FCHO1: variants seen among roughly 807,000 people sequenced by gnomAD.
The protein encoded by FCHO1 is FCH and mu domain containing endocytic adaptor 1.
FCHO1 carries 45 observed loss-of-function variants against 114.4 expected under a neutral mutation model. The ratio of observed to expected loss-of-function variants is 0.39; its 90% confidence interval spans 0.31 to 0.50. The LOEUF is 0.50. FCHO1 is among the 20% of genes least tolerant of loss of function. The pLI, the probability that FCHO1 is intolerant of heterozygous loss-of-function variation, is 0.77. For missense variants in FCHO1, 1,042 were observed against 1,209.6 expected, an observed-to-expected ratio of 0.86 and a Z score of 2.06; for synonymous variants, 480 against 488.9, an observed-to-expected ratio of 0.98 and a Z score of 0.24.
At chr19:17,781,381 C>G (rs200255536) in intron 21 of FCHO1, 38 bp downstream of exon 21, 2 of 1,607,326 alleles carry the variant, frequency 1.2e-6, no homozygotes, top group Non-Finnish European at 8.5e-7. Context: ...GACTGGGGGT[C>G]GCGTCTGGGG....
chr19:17,772,825 T>A lies in FCHO1; in HGVS notation c.790+84T>A, dbSNP rs918981517. 5.3e-6 allele frequency: 5 copies of A among 945,570 alleles called. No individual in the cohort carries two copies. The Admixed American group carries it at 7.2e-5, about 14-fold the overall frequency. The allele number at this position is 945,570 out of a possible 1,614,324, so 58.6% of individuals were successfully genotyped here. On this transcript the variant is annotated intron_variant, in intron 11 of 28. Transcript: ENST00000596536. ...TGCCACCATGCCCAGCTAATTTTTT[T>A]TTTATTTTTTTATTTTTAATAGAGA...
intron 20 of FCHO1, among the ~76,000 whole-genome samples, chr19:17,779,906 C>T (rs2093192747): frequency 6.6e-6 from 1 of 151,872 alleles, no homozygotes; most frequent in South Asian, 2.1e-4. Flanking sequence ...GAGGAGAGGA[C>T]AGCCGGGGAG....
intron 28 of FCHO1, among the ~76,000 whole-genome samples, chr19:17,788,067 G>A (rs2094066806): frequency 6.6e-6 from 1 of 152,136 alleles, no homozygotes; most frequent in Admixed American, 6.5e-5. Context: ...CCCCAGCCAG[G>A]GAGCCCGAAG....
chr19:17,778,114 C>A, intron 18 of FCHO1, 23 bp from the exon 19 acceptor site: 3 of 1,583,300 alleles, frequency 1.9e-6, no homozygotes, highest in Non-Finnish European at 1.7e-6. Flanking sequence ...TAGAAGCAGC[C>A]CTCTTGGCCT....
In FCHO1 at chr19:17,770,830, G is replaced by T. The variant is rs2091292109; in HGVS notation, c.528G>T (p.Arg176=). Residue 176 remains arginine (R), a synonymous_variant, in exon 9 of 29, where the codon CGG becomes CGT. Transcript: ENST00000596536. ...CCAAGAAGGCGGCAGAGAGCCTGCG[G>T]CGCTCAGTGGAAAAATACAACTCAG... The part of the protein sequence containing the change: ...TKTKKAAESL[R]RSVEKYNSAR... 6 of 1,614,188 alleles carry T rather than the reference G, an allele frequency of 3.7e-6. No homozygotes were observed. In the South Asian group the frequency reaches 4.4e-5, roughly 12 times the overall value.
At chr19:17,758,083 C>T (rs1418578064) in intron 4 of FCHO1, among the ~76,000 whole-genome samples, 6 of 151,832 alleles carry the variant, frequency 4.0e-5, no homozygotes, top group Admixed American at 1.3e-4. Flanking sequence ...GGTATGGTGG[C>T]GGGCACCTGT....
intron 7 of FCHO1, among the ~76,000 whole-genome samples, chr19:17,767,395 CA>C (rs3083683): frequency 0.49 from 64,220 of 130,610 alleles, 17,012 homozygotes; most frequent in Non-Finnish European, 0.6. Context: ...CCATCTTTAC[CA>C]AAAAAAAAAA....
intron 4 of FCHO1, among the ~76,000 whole-genome samples, chr19:17,760,288 T>A (rs961127735): frequency 2.6e-5 from 4 of 152,156 alleles, no homozygotes; most frequent in Admixed American, 2.6e-4. Context: ...TGACCTCAGA[T>A]AATCTGCCTG....
rs376998937 is a variant in FCHO1, at chr19:17,772,438, C to G, written c.595-19C>G. The G allele has an allele frequency of 6.2e-7, 1 of 1,605,692 alleles. No individual in the cohort carries two copies. Among genetic ancestry groups the G allele is most frequent in the African/African-American group, 1.3e-5 (1 of 74,734 alleles). ...TGGCCCTGACCTCCTTTCCACCTGC[C>G]TCTGCCCTCCTGCTTCAGCGCTTCC... On this transcript the variant is annotated intron_variant, in intron 9 of 28. Coordinates refer to ENST00000596536, the MANE Select transcript of FCHO1 (RefSeq NM_015122.3).
Position 17,781,270 on chromosome 19 carries a change from G to A in FCHO1, c.1667G>A (p.Gly556Asp), listed in dbSNP as rs772954402. 1 of 1,613,948 alleles carries A rather than the reference G, an allele frequency of 6.2e-7. No individual in the cohort carries two copies. The highest frequency in any genetic ancestry group is 1.1e-5 in the South Asian group (1 of 91,068). The stretch of plus-strand genomic sequence containing the variant: ...CCTGCTGACCCCACAGCCAGGGAGG[G>A]CCTGGCAGCCCCACCCAGGAGACTT... ...PAPADPTARE[G>D]LAAPPRRLRS... Residue 556 changes from glycine (G) to aspartate (D), a missense_variant, in exon 21 of 29, where the codon GGC (glycine) becomes GAC (aspartate). Transcript: ENST00000596536.
chr19:17,786,198 T>C (rs2093874829), intron 26 of FCHO1, among the ~76,000 whole-genome samples: 1 of 152,074 alleles, frequency 6.6e-6, no homozygotes. Flanking sequence ...CCAGGCGTGG[T>C]GGCGGGCGCC....
At chr19:17,788,256 C>A in intron 28 of FCHO1, 28 bp from the exon 29 acceptor site, 3 of 1,455,286 alleles carry the variant, frequency 2.1e-6, no homozygotes, top group Non-Finnish European at 2.9e-6. Context: ...CCTCCCCACC[C>A]CTCCCCCTCA....
At position 17,775,809 on chromosome 19, in the gene FCHO1, G is replaced by T. The variant is rs975585289; in HGVS notation, c.1004-174G>T. On this transcript the variant is annotated intron_variant, in intron 15 of 28. Coordinates refer to ENST00000596536, the MANE Select transcript of FCHO1 (RefSeq NM_015122.3). The surrounding 1 kb of genome is among the most constrained non-coding windows in gnomAD (Gnocchi z 5.1). Reference sequence around the variant, plus strand: ...GGCATGCTTGTGCAAAGGCTTCTCGGGGGGGGTGGGAGTGCTGGTGGGACA... The same window carrying T: ...GGCATGCTTGTGCAAAGGCTTCTCGTGGGGGGTGGGAGTGCTGGTGGGACA... Among the ~76,000 whole-genome samples the T allele has an allele frequency of 3.0e-4, 45 of 148,192 alleles. No individual in the cohort carries two copies. The highest frequency in any genetic ancestry group is 1.2e-3 in the African/African-American group (44 of 37,852).
intron 9 of FCHO1, among the ~76,000 whole-genome samples, chr19:17,771,482 C>T (rs1176042355): frequency 6.6e-6 from 1 of 151,282 alleles, no homozygotes; most frequent in East Asian, 2.0e-4. Flanking sequence ...TCCTGGCTAA[C>T]ACGGTGAAAC....
chr19:17,770,123 A>G (rs2091030219), intron 7 of FCHO1, among the ~76,000 whole-genome samples: 2 of 152,256 alleles, frequency 1.3e-5, no homozygotes, highest in Non-Finnish European at 2.9e-5. Context: ...AACATGGTGA[A>G]ACCCCGTCTC....
chr19:17,770,560 C>A lies in FCHO1; in HGVS notation c.472C>A (p.Gln158Lys). 1 of 1,612,488 alleles carries A rather than the reference C, an allele frequency of 6.2e-7. No individual in the cohort carries two copies. Among genetic ancestry groups the A allele is most frequent in the Non-Finnish European group, 8.5e-7 (1 of 1,178,904 alleles). ...QERLRRESTS[Q>K]KEMDKAETKT... Reference sequence around the variant, plus strand: ...GCGGCTGCGGAGGGAGAGTACCAGCCAGAAGGAGATGGACAAGGTGGGCTC... The same window carrying A: ...GCGGCTGCGGAGGGAGAGTACCAGCAAGAAGGAGATGGACAAGGTGGGCTC... Residue 158 changes from glutamine (Q) to lysine (K), a missense_variant, in exon 8 of 29, where the codon CAG becomes AAG. By Grantham distance (53) the Gln-to-Lys change is moderately conservative. Transcript: ENST00000596536.
chr19:17,784,362 C>G lies in FCHO1; in HGVS notation c.2226+127C>G, dbSNP rs1956547407. On this transcript the variant is annotated intron_variant, in intron 25 of 28. Transcript: ENST00000596536. This position sits in a 1 kb window ranked among gnomAD's most constrained non-coding sequence, Gnocchi z 5.3. ...AATTCCTGACCTCAAGAGATCCAATCTGTGAGAGCCGATGAGCTGGAGGGA... is the reference window on the plus strand; with the variant it reads ...AATTCCTGACCTCAAGAGATCCAATGTGTGAGAGCCGATGAGCTGGAGGGA... 5.9e-6 allele frequency: 7 copies of G among 1,194,880 alleles called. No homozygotes were observed. The highest frequency in any genetic ancestry group is 7.0e-6 in the Non-Finnish European group (6 of 859,414). 74.0% of individuals were successfully genotyped at this position (1,194,880 alleles called of 1,614,324 possible).
At chr19:17,781,371 G>A in intron 21 of FCHO1, 28 bp downstream of exon 21, 2 of 1,610,288 alleles carry the variant, frequency 1.2e-6, no homozygotes, top group South Asian at 2.2e-5. Flanking sequence ...GCAGGAGCTG[G>A]ACTGGGGGTC....
intron 5 of FCHO1, among the ~76,000 whole-genome samples, chr19:17,763,888 T>G (rs1307069178): frequency 6.6e-6 from 1 of 151,130 alleles, no homozygotes; most frequent in African/African-American, 2.4e-5. Flanking sequence ...TAAAATATAT[T>G]ACGTAAGAAA....
Sources: gnomAD v4.1 joint callset for allele counts (sites outside exome capture counted in the v4.1 genomes callset) on GRCh38, gnomAD v4.1.1 for gene constraint, Gnocchi (gnomAD v3.1) non-coding constraint, MANE v1.5 for transcripts, NCBI Gene and HGNC (gene_info 2026-07-23, HGNC 2026-07-21) for gene names.